The following SYCE1 variants were observed in gnomAD, a reference collection of about 807,000 sequenced individuals.
SYCE1 encodes cancer/testis antigen 76.
In SYCE1, 37 loss-of-function variants were observed where a neutral mutation model predicts 55.1. The ratio of observed to expected loss-of-function variants is 0.67; its 90% CI spans 0.52 to 0.88. SYCE1 has a LOEUF of 0.88. Among genes scored for constraint, SYCE1 ranks in the 40% least tolerant of loss-of-function variants. SYCE1 has a pLI of 0.00. For synonymous variants in SYCE1, 163 were observed against 159.4 expected (o/e 1.02, Z -0.17); for missense variants, 399 against 416.4 (o/e 0.96, Z 0.36).
At chr10:133,566,063 C>A (rs1467646857), upstream of SYCE1, among the ~76,000 whole-genome samples, 1 of 152,240 alleles carries the variant, frequency 6.6e-6, no homozygotes, top group East Asian at 1.9e-4. Context: ...AGGAGCGTAG[C>A]CTGCCCCTAG....
At chr10:133,560,352 T>G (rs867708985) in intron 1 of SYCE1, 199 bp from the exon 2 acceptor site, 5 of 483,048 alleles carry the variant, frequency 1.0e-5, no homozygotes, top group Middle Eastern at 5.4e-4. Context: ...CCAGATATCC[T>G]CTTTGTAAAA....
At chr10:133,557,185 T>C in intron 6 of SYCE1, 29 bp from the exon 7 acceptor site, 1 of 1,604,332 alleles carries the variant, frequency 6.2e-7, no homozygotes. Context: ...CCCTCAGCCA[T>C]GTTCTCTTAA....
chr10:133,560,816 A>G (rs1851799984), intron 1 of SYCE1: 1 of 152,218 alleles, frequency 6.6e-6, no homozygotes, highest in Non-Finnish European at 1.5e-5. Flanking sequence ...CCCTCTGCTC[A>G]CTGAGATAAA....
chr10:133,560,259 C>G (rs1057503851), intron 1 of SYCE1, 106 bp from the exon 2 acceptor site: 5 of 902,448 alleles, frequency 5.5e-6, no homozygotes, highest in Non-Finnish European at 8.9e-6. Flanking sequence ...AGTGGTGCCC[C>G]TTCTTCTTGT....
In SYCE1 at chr10:133,554,997, A is replaced by G. The variant is rs761002795; in HGVS notation, c.1051T>C (p.Phe351Leu). 1.1e-5 allele frequency: 17 copies of G among 1,506,494 alleles called. No homozygotes were observed. The highest frequency in any genetic ancestry group is 1.5e-5 in the Non-Finnish European group (17 of 1,119,742). The allele number at this position is 1,506,494 out of a possible 1,614,324, so 93.3% of individuals were successfully genotyped here. ...PRGFQEIKELF is the reference protein window; with the variant it reads ...PRGFQEIKELL ...CACCAGTAGACTTAGCTGTATCAAA[A>G]TAGCTCCTTTATTTCCTGAAAGCCC... Residue 351 changes from phenylalanine (F) to leucine (L), a missense_variant, in exon 13 of 13, where the codon TTT (phenylalanine) becomes CTT (leucine). By Grantham distance (22) the Phe-to-Leu change is conservative. Coordinates refer to ENST00000343131, the MANE Select transcript of SYCE1 (RefSeq NM_001143764.3).
At chr10:133,554,373 G>A (rs1208054351), downstream of SYCE1, 4 of 1,579,604 alleles carry the variant, frequency 2.5e-6, no homozygotes, top group African/African-American at 5.4e-5. Context: ...AATGCATTCT[G>A]ACTCAGGAGA....
rs770871239 is a variant in SYCE1, at chr10:133,557,096, T to C, written c.435A>G (p.Glu145=). ...GCTGTCTCTGTTTGTTCTTCTCTTCTTCAATCTGCAAGTTCAGGGCAGAAA... is the reference window on the plus strand; with the variant it reads ...GCTGTCTCTGTTTGTTCTTCTCTTCCTCAATCTGCAAGTTCAGGGCAGAAA... The part of the protein sequence containing the change: ...ERISALNLQI[E]EEKNKQRQLR... Residue 145 remains glutamate (E), a synonymous_variant, in exon 7 of 13, where the codon GAA becomes GAG. Transcript: ENST00000343131. 3 of 1,614,154 alleles carry C rather than the reference T, an allele frequency of 1.9e-6. No individual in the cohort carries two copies. Among genetic ancestry groups the C allele is most frequent in the Non-Finnish European group, 8.5e-7 (1 of 1,180,012 alleles).
At chr10:133,559,931 A>T (rs3813872) in intron 2 of SYCE1, 160 bp downstream of exon 2, 71,824 of 667,642 alleles carry the variant, frequency 0.11, 4,804 homozygotes, top group East Asian at 0.26. Context: ...TAATTTTGAA[A>T]CATGGGGCCC....
Position 133,557,100 on chromosome 10 carries a change from A to G in SYCE1, c.431T>C (p.Ile144Thr), listed in dbSNP as rs776738152. 1 of 1,614,094 alleles carries G rather than the reference A, an allele frequency of 6.2e-7. No individual in the cohort carries two copies. The highest frequency in any genetic ancestry group is 8.5e-7 in the Non-Finnish European group (1 of 1,179,998). The change falls in exon 7 of 13, where the codon ATT becomes ACT. Residue 144 changes from isoleucine (I) to threonine (T), a missense_variant. Transcript: ENST00000343131. ...KERISALNLQIEEEKNKQRQL... is the reference protein window; with the variant it reads ...KERISALNLQTEEEKNKQRQL... ...TCTCTGTTTGTTCTTCTCTTCTTCA[A>G]TCTGCAAGTTCAGGGCAGAAATTCT...
At chr10:133,556,185 A>C in intron 8 of SYCE1, 138 bp from the exon 9 acceptor site, 1 of 945,502 alleles carries the variant, frequency 1.1e-6, no homozygotes, top group Non-Finnish European at 1.6e-6. Context: ...CACCAGCTAC[A>C]GTACAGCCTC....
intron 1 of SYCE1, among the ~76,000 whole-genome samples, 159 bp downstream of exon 1, chr10:133,565,298 C>T (rs34776401): frequency 0.093 from 14,188 of 151,972 alleles, 848 homozygotes; most frequent in East Asian, 0.25. Context: ...CGGGCAAGCA[C>T]TCCCTCATCT....
intron 1 of SYCE1, chr10:133,564,541 T>C: frequency 2.1e-6 from 1 of 481,958 alleles, no homozygotes; most frequent in Non-Finnish European, 2.7e-6. Context: ...GGGCTTTCAC[T>C]GTGCCACATC....
upstream of SYCE1, chr10:133,568,242 G>A (rs534032007): frequency 5.7e-4 from 801 of 1,405,304 alleles, 2 homozygotes; most frequent in African/African-American, 0.01. Flanking sequence ...AGTCCTCCTC[G>A]TCCTCCAGGC....
Position 133,555,837 on chromosome 10 carries a change from C to T in SYCE1, c.662G>A (p.Gly221Asp). 6.2e-7 allele frequency: 1 copy of T among 1,613,910 alleles called. No individual in the cohort carries two copies. Among genetic ancestry groups the T allele is most frequent in the African/African-American group, 1.3e-5 (1 of 75,052 alleles). ...HQLCSLCGAEGPSTLDEGLFL... is the reference protein window; with the variant it reads ...HQLCSLCGAEDPSTLDEGLFL... ...GAGTCCCTCATCAAGGGTGGAGGGG[C>T]CCTCAGCCCCACACAGGGAGCACAG... is the stretch of plus-strand genomic sequence containing the variant. Residue 221 changes from glycine to aspartate, a missense_variant, in exon 10 of 13, where the codon GGC (glycine) becomes GAC (aspartate). By Grantham distance (94) the Gly-to-Asp change is moderately conservative. Coordinates refer to ENST00000343131, the MANE Select transcript of SYCE1 (RefSeq NM_001143764.3).
Position 133,555,591 on chromosome 10 carries a change from A to T in SYCE1, c.830+6T>A. 1 of 1,603,716 alleles carries T rather than the reference A, an allele frequency of 6.2e-7. No individual in the cohort carries two copies. Among genetic ancestry groups the T allele is most frequent in the Admixed American group, 1.7e-5 (1 of 59,362 alleles). On this transcript the variant is annotated splice_donor_region_variant and intron_variant, in intron 11 of 12. Coordinates refer to ENST00000343131, the MANE Select transcript of SYCE1 (RefSeq NM_001143764.3). ...GGGGTTGCGGGGACAGGGCCTCCAC[A>T]CGCACCTCTGCCGCTTCTGCTGCTG...
At chr10:133,565,361 A>T in intron 1 of SYCE1, 96 bp downstream of exon 1, 1 of 1,149,796 alleles carries the variant, frequency 8.7e-7, no homozygotes, top group Non-Finnish European at 1.2e-6. Flanking sequence ...CAGCATCAGG[A>T]CTGACAGGAA....
intron 1 of SYCE1, among the ~76,000 whole-genome samples, chr10:133,565,055 C>A (rs184556796): frequency 6.6e-6 from 1 of 152,240 alleles, no homozygotes; most frequent in Non-Finnish European, 1.5e-5. Context: ...CTGTCAAGAA[C>A]CAGTTTAGTG....
Position 133,555,395 on chromosome 10 carries a change from G to C in SYCE1, c.874C>G (p.Gln292Glu), listed in dbSNP as rs747938686. Reference protein sequence around the residue: ...LEKHGMQVPAQAQSTQEEEAG... With the variant: ...LEKHGMQVPAEAQSTQEEEAG... The stretch of plus-strand genomic sequence containing the variant: ...TCTTCCTCTTGTGTGCTCTGGGCTT[G>C]GGCAGGGACTTGCATTCCATGCTTT... The change falls in exon 12 of 13, where the codon CAA becomes GAA. Residue 292 changes from glutamine (Q) to glutamate (E), a missense_variant. Physicochemically the swap from Gln to Glu is conservative, Grantham distance 29. Transcript: ENST00000343131. The C allele has an allele frequency of 4.3e-6, 7 of 1,614,078 alleles. No individual in the cohort carries two copies. In the East Asian group the frequency reaches 1.6e-4, roughly 36 times the overall value.
rs1183160686 is a variant in SYCE1, at chr10:133,554,978, T to A, written c.*14A>T. On this transcript the variant is annotated 3_prime_UTR_variant, in exon 13 of 13. Transcript: ENST00000343131. Reference sequence around the variant, plus strand: ...GGGCCTGACCCCTACTCCTCACCAGTAGACTTAGCTGTATCAAAATAGCTC... The same window carrying A: ...GGGCCTGACCCCTACTCCTCACCAGAAGACTTAGCTGTATCAAAATAGCTC... The A allele has an allele frequency of 6.5e-7, 1 of 1,531,660 alleles. No individual in the cohort carries two copies. Among genetic ancestry groups the A allele is most frequent in the East Asian group, 2.5e-5 (1 of 40,636 alleles). The allele number at this position is 1,531,660 out of a possible 1,614,324, so 94.9% of individuals were successfully genotyped here.
Sources: gnomAD v4.1 joint callset for allele counts (sites outside exome capture counted in the v4.1 genomes callset) on GRCh38, gnomAD v4.1.1 for gene constraint, MANE v1.5 for transcripts, NCBI Gene and HGNC (gene_info 2026-07-23, HGNC 2026-07-21) for gene names.